The following OTOF variants were observed in gnomAD, a reference collection of about 807,000 sequenced individuals.
OTOF encodes the protein otoferlin.
A neutral mutation model predicts 236.8 loss-of-function variants in OTOF; 218 were observed. The ratio of observed to expected loss-of-function variants is 0.92; its 90% CI spans 0.82 to 1.03. The LOEUF is 1.03. OTOF is among the 50% of genes least tolerant of loss of function. OTOF has a pLI of 0.00. For synonymous variants in OTOF, 1,041 were observed against 1,072.5 expected, an observed-to-expected ratio of 0.97 and a Z score of 0.57; for missense variants, 2,590 against 2,694.4, an observed-to-expected ratio of 0.96 and a Z score of 0.86.
At chr2:26,506,071 A>AT (rs1202470068) in intron 5 of OTOF, among the ~76,000 whole-genome samples, 11 of 152,096 alleles carry the variant, frequency 7.2e-5, no homozygotes. Flanking sequence ...ATCCTGTGGG[A>AT]TTTTGCCCCA....
rs1458379384 is a variant in OTOF, at chr2:26,460,315, T to A, written c.5814-110A>T. ...AGCTGTCCTGGGCTGTGTGTGCAGTTCTAGGCACCCCTCTGGCCATCAAGG... is the reference window on the plus strand; with the variant it reads ...AGCTGTCCTGGGCTGTGTGTGCAGTACTAGGCACCCCTCTGGCCATCAAGG... On this transcript the variant is annotated intron_variant, in intron 45 of 46. Coordinates refer to ENST00000272371, the MANE Select transcript of OTOF (RefSeq NM_194248.3). The surrounding 1 kb of genome is among the most constrained non-coding windows in gnomAD (Gnocchi z 5.3). 1 of 902,272 alleles carries A rather than the reference T, an allele frequency of 1.1e-6. No individual in the cohort carries two copies. Among genetic ancestry groups the A allele is most frequent in the Admixed American group, 2.1e-5 (1 of 48,720 alleles). 55.9% of individuals were successfully genotyped at this position (902,272 alleles called of 1,614,324 possible).
In OTOF at chr2:26,479,374, G is replaced by A. The variant is rs1665456525; in HGVS notation, c.2104C>T (p.His702Tyr). Residue 702 changes from histidine (H) to tyrosine (Y), a missense_variant, in exon 18 of 47, where the codon CAT (histidine) becomes TAT (tyrosine). By Grantham distance (83) the His-to-Tyr change is moderately conservative (BLOSUM62 2). Coordinates refer to ENST00000272371, the MANE Select transcript of OTOF (RefSeq NM_194248.3). ...GGCTTTCGCTCCAGGTAGGGCAGAT[G>A]GAAGTAGTTCCTGGGGTGGGCAGAG... ...RPQVTDRNYF[H>Y]LPYLERKPCI... 1 of 1,612,724 alleles carries A rather than the reference G, an allele frequency of 6.2e-7. No individual in the cohort carries two copies.
intron 5 of OTOF, among the ~76,000 whole-genome samples, chr2:26,508,904 T>A (rs941228023): frequency 6.6e-6 from 1 of 152,186 alleles, no homozygotes; most frequent in African/African-American, 2.4e-5. Flanking sequence ...AATAGTCCTA[T>A]TGCTCTACAC....
intron 1 of OTOF, among the ~76,000 whole-genome samples, chr2:26,550,481 A>G (rs1667432925): frequency 6.6e-6 from 1 of 151,944 alleles, no homozygotes; most frequent in South Asian, 2.1e-4. Context: ...GAAAGCAGCC[A>G]AGGGGCCTGG....
At chr2:26,535,909 G>T (rs1240204152) in intron 2 of OTOF, among the ~76,000 whole-genome samples, 1 of 152,198 alleles carries the variant, frequency 6.6e-6, no homozygotes, top group Non-Finnish European at 1.5e-5. Context: ...TGTCCAAGGC[G>T]CTGGGCATGG....
chr2:26,477,197 T>A lies in OTOF; in HGVS notation c.2498A>T (p.Gln833Leu), dbSNP rs191568463. The A allele has an allele frequency of 5.6e-4, 903 of 1,610,944 alleles. 1 individual carries two copies. The highest frequency in any genetic ancestry group is 2.2e-3 in the South Asian group (203 of 90,708). ...DKLRLCQNFL[Q>L]KLRFLADEPQ... ...CTCGTCCGCCAGGAAGCGCAGCTTCTGCAGGAAGTTCTGGCACAGCCTCAG... is the reference window on the plus strand; with the variant it reads ...CTCGTCCGCCAGGAAGCGCAGCTTCAGCAGGAAGTTCTGGCACAGCCTCAG... Residue 833 changes from glutamine to leucine, a missense_variant, in exon 21 of 47, where the codon CAG (glutamine) becomes CTG (leucine). By Grantham distance (113) the Gln-to-Leu change is moderately radical. This residue lies in a region of OTOF where 1,379 missense variants were observed against 1,341.6 expected (regional missense o/e 1.03). Transcript: ENST00000272371. This position sits in a 1 kb window ranked among gnomAD's most constrained non-coding sequence, Gnocchi z 4.7.
At chr2:26,459,847 G>A (rs56072257) in intron 46 of OTOF, among the ~76,000 whole-genome samples, 161 bp downstream of exon 46, 31 of 151,268 alleles carry the variant, frequency 2.0e-4, no homozygotes, top group Non-Finnish European at 3.7e-4. Flanking sequence ...TTGAGTGCAT[G>A]TGTATGCACT....
chr2:26,536,573 C>A (rs991171796), intron 2 of OTOF, among the ~76,000 whole-genome samples: 3 of 152,126 alleles, frequency 2.0e-5, no homozygotes, highest in Non-Finnish European at 4.4e-5. Flanking sequence ...ACAGCCACAT[C>A]GTGTGGCCTG....
intron 2 of OTOF, among the ~76,000 whole-genome samples, chr2:26,530,231 G>T (rs1359057031): frequency 1.3e-5 from 2 of 152,120 alleles, no homozygotes; most frequent in Non-Finnish European, 2.9e-5. Flanking sequence ...GGGAGGTGGG[G>T]TGTTGAACGG....
At chr2:26,489,048 C>T (rs1159203457) in intron 11 of OTOF, among the ~76,000 whole-genome samples, 163 bp downstream of exon 11, 3 of 152,210 alleles carry the variant, frequency 2.0e-5, no homozygotes, top group African/African-American at 4.8e-5. Context: ...ACAGACTGTG[C>T]GCGCCACTTC....
At chr2:26,475,142 T>G (rs1256850095) in intron 25 of OTOF, among the ~76,000 whole-genome samples, 1 of 151,624 alleles carries the variant, frequency 6.6e-6, no homozygotes, top group Non-Finnish European at 1.5e-5. Flanking sequence ...AGACAGGAGG[T>G]GAGGATGTGC....
At chr2:26,519,648 G>A (rs112008591) in intron 3 of OTOF, among the ~76,000 whole-genome samples, 4,952 of 152,306 alleles carry the variant, frequency 0.033, 104 homozygotes, top group Middle Eastern at 0.054. Context: ...GCGGTGCAAT[G>A]CTTTGGTTAA....
At chr2:26,516,933 C>T (rs970568669) in intron 4 of OTOF, among the ~76,000 whole-genome samples, 4 of 152,154 alleles carry the variant, frequency 2.6e-5, no homozygotes, top group African/African-American at 7.2e-5. Context: ...TCTACATAAC[C>T]GAGAGTGTCG....
At chr2:26,555,772 G>A (rs1391821848) in intron 1 of OTOF, among the ~76,000 whole-genome samples, 1 of 152,166 alleles carries the variant, frequency 6.6e-6, no homozygotes, top group Non-Finnish European at 1.5e-5. Context: ...CTGCTGGTCT[G>A]GAGAGAAGAT....
rs571083534 is a variant in OTOF at position 26,467,066 on chromosome 2, G to A, written c.4362+33C>T. 236 of 1,610,180 alleles carry A rather than the reference G, an allele frequency of 1.5e-4. 2 individuals are homozygous for A. In the South Asian group the frequency reaches 2.5e-3, roughly 17 times the overall value. On this transcript the variant is annotated intron_variant, in intron 35 of 46. Transcript: ENST00000272371. Reference sequence around the variant, plus strand: ...CTGTGGGGGGGGCAAGGGCTGGCGGGTGCTCAGGCTGGGCCCGTGCTCCTG... The same window carrying A: ...CTGTGGGGGGGGCAAGGGCTGGCGGATGCTCAGGCTGGGCCCGTGCTCCTG...
chr2:26,544,896 C>A (rs1185549921), intron 1 of OTOF, among the ~76,000 whole-genome samples: 1 of 151,690 alleles, frequency 6.6e-6, no homozygotes, highest in African/African-American at 2.4e-5. Flanking sequence ...AAAAAATTAG[C>A]CAGGCGTGGT....
chr2:26,487,954 G>C (rs1665741334), intron 11 of OTOF, among the ~76,000 whole-genome samples: 1 of 152,248 alleles, frequency 6.6e-6, no homozygotes, highest in South Asian at 2.1e-4. Context: ...GCTACTCCTA[G>C]ATGGTGGACA....
At chr2:26,499,783 C>G (rs540132958) in intron 8 of OTOF, among the ~76,000 whole-genome samples, 13 of 152,356 alleles carry the variant, frequency 8.5e-5, no homozygotes, top group South Asian at 2.1e-4. Context: ...GCATGAGTCA[C>G]TGCACCCGGC....
At chr2:26,518,738 G>A (rs545240825) in intron 4 of OTOF, among the ~76,000 whole-genome samples, 3 of 152,354 alleles carry the variant, frequency 2.0e-5, no homozygotes, top group African/African-American at 7.2e-5. Flanking sequence ...TCCTGAGCTG[G>A]GTCCAAATGG....
Sources: allele counts gnomAD v4.1 joint callset (sites outside exome capture counted in the v4.1 genomes callset), GRCh38; gene constraint gnomAD v4.1.1; regional missense constraint gnomAD v4.1.1; non-coding constraint Gnocchi (gnomAD v3.1); transcripts MANE v1.5; gene names NCBI Gene and HGNC (gene_info 2026-07-23, HGNC 2026-07-21).